The following ACSF3 variants were observed in gnomAD, a reference collection of about 807,000 sequenced individuals.
ACSF3 encodes acyl-CoA synthetase family member 3.
A neutral mutation model predicts 53.2 loss-of-function variants in ACSF3; 78 were observed. The observed-to-expected ratio is 1.47, with a 90% CI of 1.22 to 1.77. ACSF3 has a LOEUF of 1.77. Ranked by LOEUF, ACSF3 falls within the 40% of genes most tolerant of loss-of-function variation. ACSF3 has a pLI of 0.00. For synonymous variants in ACSF3, 414 were observed against 333.1 expected (o/e 1.24, Z -2.65); for missense variants, 937 against 771.1 (o/e 1.22, Z -2.55).
At chr16:89,111,925 A>G (rs990865360) in intron 4 of ACSF3, among the ~76,000 whole-genome samples, 167 bp from the exon 5 acceptor site, 1 of 152,214 alleles carries the variant, frequency 6.6e-6, no homozygotes, top group Non-Finnish European at 1.5e-5. Context: ...CCCGCGCAAC[A>G]TGGCTTCTGT....
chr16:89,135,517 A>C (rs1237832384), intron 8 of ACSF3, among the ~76,000 whole-genome samples: 1 of 152,274 alleles, frequency 6.6e-6, no homozygotes, highest in Admixed American at 6.5e-5. Context: ...GCTGGACATC[A>C]GCAGAGGACC....
intron 8 of ACSF3, among the ~76,000 whole-genome samples, chr16:89,142,652 C>T (rs1165480759): frequency 6.6e-6 from 1 of 151,578 alleles, no homozygotes; most frequent in African/African-American, 2.4e-5. Context: ...CACACCCACA[C>T]CTGCAGACAG....
At chr16:89,096,696 C>A (rs1974650706) in intron 1 of ACSF3, among the ~76,000 whole-genome samples, 1 of 152,134 alleles carries the variant, frequency 6.6e-6, no homozygotes, top group South Asian at 2.1e-4. Context: ...CCCTAGACAC[C>A]CCGAGTGAAC....
intron 1 of ACSF3, among the ~76,000 whole-genome samples, chr16:89,097,528 A>G (rs1974766473): frequency 6.6e-6 from 1 of 152,142 alleles, no homozygotes; most frequent in Admixed American, 6.6e-5. Context: ...CTGTGTGTGG[A>G]TTCTCCTTGT....
intron 6 of ACSF3, among the ~76,000 whole-genome samples, chr16:89,118,767 C>T (rs35561531): frequency 0.16 from 23,838 of 152,214 alleles, 1,956 homozygotes; most frequent in African/African-American, 0.19. Flanking sequence ...GCCTCATTGG[C>T]GGTTTCCGTT....
At chr16:89,142,854 G>C (rs1567742178) in intron 8 of ACSF3, among the ~76,000 whole-genome samples, 1 of 152,260 alleles carries the variant, frequency 6.6e-6, no homozygotes, top group Non-Finnish European at 1.5e-5. Flanking sequence ...GGGCGGAGAG[G>C]TTGGGTCTTG....
rs936597124 is a variant in ACSF3 at position 89,114,151 on chromosome 16, C to T, written c.978-188C>T. The T allele has an allele frequency of 8.3e-6, 6 of 723,372 alleles. No homozygotes were observed. In the Admixed American group the frequency reaches 1.0e-4, roughly 13 times the overall value. The allele number at this position is 723,372 out of a possible 1,614,324, so 44.8% of individuals were successfully genotyped here. A position where few individuals can be genotyped will look rare whatever the true frequency, so the allele number is the denominator to read the frequency against. ...TTCAAAAAACAAAGTCACGCCGTAG[C>T]GCAGACTGCAGCGTTGGTCCCGGGT... On this transcript the variant is annotated intron_variant, in intron 5 of 10. Transcript: ENST00000614302.
rs761852278 is a variant in ACSF3, at chr16:89,145,989, C to A, written c.1553C>A (p.Ala518Asp). The change falls in exon 10 of 11, where the codon GCT becomes GAT. Residue 518 changes from alanine (A) to aspartate (D), a missense_variant. Coordinates refer to ENST00000614302, the MANE Select transcript of ACSF3 (RefSeq NM_001243279.3). ...ATGACATGGGGCCAGCGGGTCACTG[C>A]TGTGGTGACCCTCCGAGAAGGACAC... ...PDMTWGQRVT[A>D]VVTLREGHSL... The A allele has an allele frequency of 1.3e-5, 19 of 1,479,752 alleles. No individual in the cohort carries two copies. In the African/African-American group the frequency reaches 1.9e-4, roughly 14 times the overall value. The allele number at this position is 1,479,752 out of a possible 1,614,324, so 91.7% of individuals were successfully genotyped here.
intron 4 of ACSF3, among the ~76,000 whole-genome samples, chr16:89,109,436 G>A (rs1387055955): frequency 1.8e-5 from 2 of 113,960 alleles, no homozygotes; most frequent in Non-Finnish European, 3.4e-5. Context: ...TTTTGAGATG[G>A]AGTCTCACTC....
At chr16:89,139,635 C>T (rs550355128) in intron 8 of ACSF3, among the ~76,000 whole-genome samples, 198 of 146,982 alleles carry the variant, frequency 1.3e-3, no homozygotes, top group Non-Finnish European at 1.9e-3. Flanking sequence ...GCTCTGTCGC[C>T]AGACTGGAGT....
At chr16:89,103,301 C>T (rs1975586584) in intron 4 of ACSF3, among the ~76,000 whole-genome samples, 1 of 152,244 alleles carries the variant, frequency 6.6e-6, no homozygotes. Flanking sequence ...TTTGTTCTTA[C>T]ATGCTTGGAG....
chr16:89,152,157 AAC>A (rs1365132396), intron 10 of ACSF3: 4 of 152,254 alleles, frequency 2.6e-5, no homozygotes, highest in African/African-American at 7.2e-5. Flanking sequence ...AGTCTCATTC[AAC>A]ACAGAGTTTG....
intron 6 of ACSF3, among the ~76,000 whole-genome samples, chr16:89,117,967 GCCAAGGACATTCC>G: frequency 9.0e-6 from 1 of 110,776 alleles, no homozygotes; most frequent in African/African-American, 3.5e-5. Flanking sequence ...TCCCTCAGGC[GCCAAGGACATTCC>G]CTCTTCTCTA....
At chr16:89,137,872 T>TGTC (rs1233031108) in intron 8 of ACSF3, among the ~76,000 whole-genome samples, 1 of 152,162 alleles carries the variant, frequency 6.6e-6, no homozygotes, top group Non-Finnish European at 1.5e-5. Flanking sequence ...CTAGCTTACT[T>TGTC]GTCACCCTGT....
intron 8 of ACSF3, among the ~76,000 whole-genome samples, chr16:89,134,748 C>T (rs906249479): frequency 6.6e-6 from 1 of 152,210 alleles, no homozygotes; most frequent in East Asian, 1.9e-4. Context: ...TTTTAGTGAG[C>T]TCGCTTTACT....
intron 1 of ACSF3, among the ~76,000 whole-genome samples, chr16:89,098,347 G>A (rs979631202): frequency 1.3e-5 from 2 of 152,234 alleles, no homozygotes; most frequent in Non-Finnish European, 2.9e-5. Context: ...GCTGGAGAGA[G>A]AGAACCTGCT....
intron 6 of ACSF3, 135 bp downstream of exon 6, chr16:89,114,622 C>A: frequency 7.6e-7 from 1 of 1,314,060 alleles, no homozygotes; most frequent in Non-Finnish European, 1.1e-6. Flanking sequence ...GGCCACTCGG[C>A]CAGGAGAGCA....
At chr16:89,142,646 CCCACACCTGCAGACAGAG>C (rs1374297038) in intron 8 of ACSF3, among the ~76,000 whole-genome samples, 53 of 151,320 alleles carry the variant, frequency 3.5e-4, no homozygotes, top group South Asian at 4.2e-4. Flanking sequence ...TGCAGGCACA[CCCACACCTGCAGACAGAG>C]CCACACCTGC....
At chr16:89,097,860 A>C (rs1039016785) in intron 1 of ACSF3, among the ~76,000 whole-genome samples, 7 of 152,210 alleles carry the variant, frequency 4.6e-5, no homozygotes, top group African/African-American at 1.7e-4. Flanking sequence ...GAAGACTCAC[A>C]CAGGACGTCC....
Sources: gnomAD v4.1 joint callset for allele counts (sites outside exome capture counted in the v4.1 genomes callset) on GRCh38, gnomAD v4.1.1 for gene constraint, MANE v1.5 for transcripts, NCBI Gene and HGNC (gene_info 2026-07-23, HGNC 2026-07-21) for gene names.